The following TMEM260 variants were observed in gnomAD, a reference collection of about 807,000 sequenced individuals.
TMEM260 encodes the protein protein O-mannosyl-transferase TMEM260.
In TMEM260, 82 loss-of-function variants were observed where a neutral mutation model predicts 88.9. That is an observed-to-expected ratio of 0.92 (90% CI 0.77 to 1.11). The LOEUF (loss-of-function observed/expected upper bound fraction) is 1.11, where lower values mean the gene tolerates loss of function less well. Ranked by LOEUF, TMEM260 falls within the 50% of genes least tolerant of loss-of-function variation. TMEM260 has a pLI of 0.00. For synonymous variants in TMEM260, 314 were observed against 309.3 expected (o/e 1.02, Z -0.16); for missense variants, 902 against 853.4 (o/e 1.06, Z -0.71).
the TMEM260 span, among the ~76,000 whole-genome samples, chr14:56,662,622 GC>G: frequency 6.6e-6 from 1 of 152,250 alleles, no homozygotes; most frequent in South Asian, 2.1e-4. Flanking sequence ...CACACACAAA[GC>G]TACTGATTAG....
downstream of TMEM260, among the ~76,000 whole-genome samples, chr14:56,654,070 A>G (rs967655655): frequency 2.6e-5 from 4 of 152,172 alleles, no homozygotes; most frequent in African/African-American, 9.7e-5. Flanking sequence ...GAAATCAACT[A>G]TGTTGCAGGA....
chr14:56,643,864 T>C (rs898170513), intron 15 of TMEM260, among the ~76,000 whole-genome samples: 5 of 151,800 alleles, frequency 3.3e-5, no homozygotes, highest in African/African-American at 9.7e-5. Flanking sequence ...TATACACCAG[T>C]AACAGACAGA....
chr14:56,593,924 T>A (rs1886041968), intron 3 of TMEM260, among the ~76,000 whole-genome samples: 1 of 151,356 alleles, frequency 6.6e-6, no homozygotes, highest in Non-Finnish European at 1.5e-5. Flanking sequence ...CCTGACCTCA[T>A]GATCCACCCG....
intron 12 of TMEM260, among the ~76,000 whole-genome samples, chr14:56,626,720 C>T (rs1272876882): frequency 2.6e-5 from 4 of 152,124 alleles, no homozygotes; most frequent in Admixed American, 6.5e-5. Flanking sequence ...ATTCATTCAG[C>T]ATTTATTTAA....
the TMEM260 span, among the ~76,000 whole-genome samples, chr14:56,661,057 A>G: frequency 6.6e-6 from 1 of 152,212 alleles, no homozygotes. Context: ...ACATAATAAA[A>G]CCAAACAGAC....
In TMEM260 at chr14:56,612,267, G is replaced by T. The variant is rs768202821; in HGVS notation, c.839G>T (p.Ser280Ile). 2 of 1,613,624 alleles carry T rather than the reference G, an allele frequency of 1.2e-6. No homozygotes were observed. The highest frequency in any genetic ancestry group is 1.7e-6 in the Non-Finnish European group (2 of 1,179,648). ...FSLAKSEIGSSMSEILLSQVT... is the reference protein window; with the variant it reads ...FSLAKSEIGSIMSEILLSQVT... ...TAGGCCAAATCTGAAATAGGATCCA[G>T]TATGTCTGAAATACTGCTGTGAGTA... is the stretch of plus-strand genomic sequence containing the variant. The change falls in exon 7 of 16, where the codon AGT becomes ATT. Residue 280 changes from serine (S) to isoleucine (I), a missense_variant. Physicochemically the swap from Ser to Ile is moderately radical, Grantham distance 142 (BLOSUM62 -2). Coordinates refer to ENST00000261556, the MANE Select transcript of TMEM260 (RefSeq NM_017799.4).
At chr14:56,641,162 G>C (rs1279864346) in intron 15 of TMEM260, among the ~76,000 whole-genome samples, 1 of 150,904 alleles carries the variant, frequency 6.6e-6, no homozygotes, top group Non-Finnish European at 1.5e-5. Context: ...GAAATACAGA[G>C]AACACCACAA....
the TMEM260 span, among the ~76,000 whole-genome samples, chr14:56,661,351 G>A: frequency 6.6e-6 from 1 of 152,218 alleles, no homozygotes. Context: ...CTGCTTCTGG[G>A]TAGGGAACCA....
At chr14:56,629,269 TTG>T (rs1280887798) in intron 12 of TMEM260, among the ~76,000 whole-genome samples, 12 of 110,534 alleles carry the variant, frequency 1.1e-4, no homozygotes, top group South Asian at 7.9e-4. Context: ...TTTGTTTTTG[TTG>T]TTTTTTTTTT....
At chr14:56,656,337 T>C in the TMEM260 span, among the ~76,000 whole-genome samples, 1 of 152,120 alleles carries the variant, frequency 6.6e-6, no homozygotes, top group Non-Finnish European at 1.5e-5. Flanking sequence ...GAGGATCGCT[T>C]GAACCCGGGA....
At chr14:56,650,183 C>T (rs1890176983), downstream of TMEM260, 2 of 433,194 alleles carry the variant, frequency 4.6e-6, no homozygotes, top group Admixed American at 5.3e-5. Context: ...AGCGTTCTAG[C>T]AGTGTCCCGG....
At chr14:56,628,847 A>G (rs74692336) in intron 12 of TMEM260, among the ~76,000 whole-genome samples, 8 of 151,498 alleles carry the variant, frequency 5.3e-5, no homozygotes, top group Non-Finnish European at 8.8e-5. Flanking sequence ...ATATGTTTAG[A>G]TGTATGTCTA....
In TMEM260 at chr14:56,625,440, T is replaced by A. The variant is rs992894916; in HGVS notation, c.1457T>A (p.Phe486Tyr). Residue 486 changes from phenylalanine (F) to tyrosine (Y), a missense_variant, in exon 12 of 16, where the codon TTT becomes TAT. Physicochemically the swap from Phe to Tyr is conservative, Grantham distance 22. Coordinates refer to ENST00000261556, the MANE Select transcript of TMEM260 (RefSeq NM_017799.4). ...GCAAAGCACTTGCCAGGTGTCAACT[T>A]TCCTGGGAACCGGTGGAATCCTGTG... is the stretch of plus-strand genomic sequence containing the variant. ...KMAKHLPGVN[F>Y]PGNRWNPVEG... 1.9e-6 allele frequency: 3 copies of A among 1,613,920 alleles called. No homozygotes were observed. Among genetic ancestry groups the A allele is most frequent in the African/African-American group, 1.3e-5 (1 of 74,944 alleles).
intron 3 of TMEM260, among the ~76,000 whole-genome samples, chr14:56,594,003 A>T (rs1423478016): frequency 6.6e-6 from 1 of 152,098 alleles, no homozygotes; most frequent in Non-Finnish European, 1.5e-5. Context: ...GTCTTTTATA[A>T]TACAAGGGCT....
At chr14:56,581,780 G>A (rs1885152715) in intron 1 of TMEM260, among the ~76,000 whole-genome samples, 2 of 152,200 alleles carry the variant, frequency 1.3e-5, no homozygotes, top group South Asian at 4.1e-4. Flanking sequence ...GAGAAATCAG[G>A]AAAAGAAAAG....
intron 3 of TMEM260, among the ~76,000 whole-genome samples, chr14:56,600,694 T>C (rs539222466): frequency 3.9e-5 from 6 of 152,012 alleles, no homozygotes; most frequent in African/African-American, 1.5e-4. Context: ...CTCACTAGGA[T>C]GTGGAAAAAT....
At chr14:56,588,232 A>C (rs918532376) in intron 3 of TMEM260, among the ~76,000 whole-genome samples, 2 of 152,030 alleles carry the variant, frequency 1.3e-5, no homozygotes, top group African/African-American at 4.8e-5. Flanking sequence ...ATTACTGTAC[A>C]CGTAGGATTA....
In TMEM260 at chr14:56,617,103, A is replaced by T. The variant is rs895568398; in HGVS notation, c.942-80A>T. ...AAAAATGGAAAGTTTTTATAGATCTAATAGTTTAAAGTCCTGTGATATTAT... is the reference window on the plus strand; with the variant it reads ...AAAAATGGAAAGTTTTTATAGATCTTATAGTTTAAAGTCCTGTGATATTAT... On this transcript the variant is annotated intron_variant, in intron 8 of 15. Transcript: ENST00000261556. 7 of 827,368 alleles carry T rather than the reference A, an allele frequency of 8.5e-6. No homozygotes were observed. In the South Asian group the frequency reaches 1.3e-4, roughly 15 times the overall value. The allele number at this position is 827,368 out of a possible 1,614,324, so 51.3% of individuals were successfully genotyped here.
At chr14:56,660,198 T>C in the TMEM260 span, among the ~76,000 whole-genome samples, 1 of 152,218 alleles carries the variant, frequency 6.6e-6, no homozygotes, top group Non-Finnish European at 1.5e-5. Context: ...CTGATAAGGC[T>C]TGTTTGTAAT....
Sources: gnomAD v4.1 joint callset for allele counts (sites outside exome capture counted in the v4.1 genomes callset) on GRCh38, gnomAD v4.1.1 for gene constraint, MANE v1.5 for transcripts, NCBI Gene and HGNC (gene_info 2026-07-23, HGNC 2026-07-21) for gene names.